PAPOLA: variants seen among roughly 807,000 people sequenced by gnomAD.
PAPOLA encodes polynucleotide adenylyltransferase alpha.
In PAPOLA, 15 loss-of-function variants were observed where a neutral mutation model predicts 100.6. The ratio of observed to expected loss-of-function variants is 0.15; its 90% CI spans 0.10 to 0.23. The LOEUF (loss-of-function observed/expected upper bound fraction) is 0.23, where lower values mean the gene tolerates loss of function less well. Among genes scored for constraint, PAPOLA ranks in the 10% least tolerant of loss-of-function variants. PAPOLA has a pLI of 1.00. For missense variants in PAPOLA, 533 were observed against 884.2 expected, an observed-to-expected ratio of 0.60 and a Z score of 5.04; for synonymous variants, 293 against 300.0, an observed-to-expected ratio of 0.98 and a Z score of 0.24.
intron 9 of PAPOLA, chr14:96,533,133 C>G: frequency 2.0e-6 from 2 of 982,666 alleles, no homozygotes; most frequent in Non-Finnish European, 2.4e-6. Flanking sequence ...TTAAGTGCTT[C>G]GGGACAAAAA....
At chr14:96,562,663 A>T in intron 20 of PAPOLA, 156 bp from the exon 21 acceptor site, 1 of 514,320 alleles carries the variant, frequency 1.9e-6, no homozygotes. Flanking sequence ...AACCTACAAC[A>T]TCTACTGACT....
intron 1 of PAPOLA, among the ~76,000 whole-genome samples, chr14:96,516,637 C>T (rs955908581): frequency 2.0e-5 from 3 of 152,156 alleles, no homozygotes; most frequent in African/African-American, 7.2e-5. Context: ...TGGTGCCTGG[C>T]TCATATATAT....
In PAPOLA at chr14:96,542,302, T is replaced by C; in HGVS notation, c.1169+6T>C. The stretch of plus-strand genomic sequence containing the variant: ...GAAAAACAACGCCTGGAATGGTGAG[T>C]ATAAGAATAGACTTTACAGAAAAAG... On this transcript the variant is annotated splice_donor_region_variant and intron_variant, in intron 13 of 21. Transcript: ENST00000216277. The C allele has an allele frequency of 6.4e-7, 1 of 1,571,928 alleles. No homozygotes were observed. Among genetic ancestry groups the C allele is most frequent in the African/African-American group, 1.3e-5 (1 of 74,170 alleles).
intron 6 of PAPOLA, among the ~76,000 whole-genome samples, chr14:96,528,209 G>T (rs1273180373): frequency 3.9e-5 from 6 of 152,158 alleles, no homozygotes; most frequent in Admixed American, 3.9e-4. Context: ...GTGAAATTTG[G>T]AGCTAAAACA....
At chr14:96,517,344 G>T (rs1897548345) in intron 1 of PAPOLA, among the ~76,000 whole-genome samples, 1 of 152,176 alleles carries the variant, frequency 6.6e-6, no homozygotes, top group Non-Finnish European at 1.5e-5. Flanking sequence ...AGCGTACTTT[G>T]TATTGTGCAC....
At chr14:96,552,674 A>C in intron 17 of PAPOLA, 52 bp downstream of exon 17, 1 of 1,479,514 alleles carries the variant, frequency 6.8e-7, no homozygotes, top group Non-Finnish European at 9.3e-7. Context: ...TAAATCAATC[A>C]GATACATTCT....
rs568183863 is a variant in PAPOLA, at chr14:96,514,131, A to C, written c.9-5924A>C. Among the ~76,000 whole-genome samples, 15 of 152,084 alleles carry C rather than the reference A, an allele frequency of 9.9e-5. No homozygotes were observed. The South Asian group carries it at 2.3e-3, about 23-fold the overall frequency. ...TTGCCTATTTGAATGTATGACCATT[A>C]AACTCCAGTTAACAAATCATAGGAA... On this transcript the variant is annotated intron_variant, in intron 1 of 21. Coordinates refer to ENST00000216277, the MANE Select transcript of PAPOLA (RefSeq NM_032632.5).
At position 96,515,245 on chromosome 14, in the gene PAPOLA, T is replaced by C. The variant is rs1595503475; in HGVS notation, c.9-4810T>C. On this transcript the variant is annotated intron_variant, in intron 1 of 21. Transcript: ENST00000216277. ...ATTATAAAGAAAACTCCTCGTATTC[T>C]AAGGAGAGAAGAGTTCTGAAAATTC... 3.9e-5 allele frequency among the ~76,000 whole-genome samples: 6 copies of C among 152,356 alleles called. 1 individual carries two copies. Among genetic ancestry groups the C allele is most frequent in the Admixed American group, 3.9e-4 (6 of 15,298 alleles).
chr14:96,508,352 A>G (rs1896877227), intron 1 of PAPOLA, among the ~76,000 whole-genome samples: 1 of 152,172 alleles, frequency 6.6e-6, no homozygotes, highest in African/African-American at 2.4e-5. Flanking sequence ...TAAAATTTGG[A>G]GTTTTTGTAG....
At chr14:96,507,712 T>C (rs549773531) in intron 1 of PAPOLA, among the ~76,000 whole-genome samples, 1 of 152,326 alleles carries the variant, frequency 6.6e-6, no homozygotes, top group South Asian at 2.1e-4. Context: ...GAAAGAGCTC[T>C]TTGGAGTGCT....
intron 15 of PAPOLA, among the ~76,000 whole-genome samples, chr14:96,544,646 C>T (rs919901485): frequency 2.6e-5 from 4 of 152,072 alleles, no homozygotes; most frequent in Non-Finnish European, 4.4e-5. Context: ...TGTGTATACA[C>T]GATTTTTCTC....
chr14:96,520,267 T>C (rs1463594659), intron 2 of PAPOLA, 39 bp downstream of exon 2: 2 of 1,510,370 alleles, frequency 1.3e-6, no homozygotes, highest in South Asian at 2.4e-5. Context: ...TCGGAAACTT[T>C]TATTAATGTT....
At chr14:96,534,349 C>T (rs557336352) in intron 9 of PAPOLA, 142 bp from the exon 10 acceptor site, 45 of 1,442,658 alleles carry the variant, frequency 3.1e-5, no homozygotes, top group East Asian at 2.2e-4. Context: ...AGTCTAATGT[C>T]GTCAGAAAGG....
intron 1 of PAPOLA, among the ~76,000 whole-genome samples, chr14:96,507,226 T>A (rs1340614036): frequency 6.6e-6 from 1 of 152,074 alleles, no homozygotes; most frequent in Non-Finnish European, 1.5e-5. Context: ...TTAAAGAGAT[T>A]TACAGAAATG....
At chr14:96,559,361 G>T (rs1187111647) in intron 19 of PAPOLA, among the ~76,000 whole-genome samples, 2 of 151,832 alleles carry the variant, frequency 1.3e-5, no homozygotes, top group Non-Finnish European at 2.9e-5. Flanking sequence ...TAGCAAAGCA[G>T]AAAGAAATAC....
At chr14:96,536,925 TC>T (rs1899589553) in intron 11 of PAPOLA, 50 bp from the exon 12 acceptor site, 1 of 1,025,232 alleles carries the variant, frequency 9.8e-7, no homozygotes. Context: ...TATTTAAAAT[TC>T]TAGATTGTAG....
intron 12 of PAPOLA, among the ~76,000 whole-genome samples, chr14:96,539,211 GAAAA>G (rs1259003123): frequency 5.3e-5 from 8 of 152,040 alleles, no homozygotes; most frequent in Non-Finnish European, 1.2e-4. Context: ...AAAGTATTAG[GAAAA>G]CCAATGTATT....
intron 2 of PAPOLA, among the ~76,000 whole-genome samples, chr14:96,520,677 A>G (rs1354581037): frequency 1.3e-5 from 2 of 152,138 alleles, no homozygotes; most frequent in Non-Finnish European, 2.9e-5. Context: ...TTTATTTTCT[A>G]CATAGAGTTC....
chr14:96,550,185 C>T (rs187031731), intron 16 of PAPOLA, among the ~76,000 whole-genome samples: 30 of 152,192 alleles, frequency 2.0e-4, no homozygotes, highest in Admixed American at 8.5e-4. Context: ...AGTATACAAA[C>T]GTTTTATGTT....
Sources: gnomAD v4.1 joint callset for allele counts (sites outside exome capture counted in the v4.1 genomes callset) on GRCh38, gnomAD v4.1.1 for gene constraint, MANE v1.5 for transcripts, NCBI Gene and HGNC (gene_info 2026-07-23, HGNC 2026-07-21) for gene names.